The following SMOC1 variants were observed in gnomAD, a reference collection of about 807,000 sequenced individuals.
The protein encoded by SMOC1 is SPARC-related modular calcium-binding protein 1.
A neutral mutation model predicts 56.3 loss-of-function variants in SMOC1; 22 were observed. The observed-to-expected ratio is 0.39, with a 90% CI of 0.28 to 0.56. SMOC1 has a LOEUF of 0.56. Among genes scored for constraint, SMOC1 ranks in the 20% least tolerant of loss-of-function variants. The probability of loss-of-function intolerance (pLI) is 0.61; values close to 1 mark genes in which losing one functional copy is unlikely to be tolerated. For missense variants in SMOC1, 509 were observed against 565.4 expected, an observed-to-expected ratio of 0.90 and a Z score of 1.01; for synonymous variants, 193 against 215.0, an observed-to-expected ratio of 0.90 and a Z score of 0.89.
intron 5 of SMOC1, among the ~76,000 whole-genome samples, chr14:69,986,674 G>C (rs1202647138): frequency 5.3e-5 from 8 of 152,152 alleles, no homozygotes. Context: ...GCCCTGACCA[G>C]GCTCCTCTGC....
chr14:69,990,039 C>G (rs2139538472), intron 5 of SMOC1, among the ~76,000 whole-genome samples: 1 of 152,338 alleles, frequency 6.6e-6, no homozygotes, highest in South Asian at 2.1e-4. Context: ...GCAGCTGTAT[C>G]TCTTCACCCT....
intron 1 of SMOC1, among the ~76,000 whole-genome samples, chr14:69,925,554 T>G (rs1394716416): frequency 6.6e-6 from 1 of 152,154 alleles, no homozygotes; most frequent in Non-Finnish European, 1.5e-5. Context: ...TTTTATCCAT[T>G]TATGTGTGTG....
At position 69,997,905 on chromosome 14, in the gene SMOC1, G is replaced by A. The variant is rs561832342; in HGVS notation, c.664+3425G>A. ...CCATGGGACTCCGTGAAGCCCATCG[G>A]GGTGAGAGCTCTTCTTCTCAGCTGT... On this transcript the variant is annotated intron_variant, in intron 7 of 11. Coordinates refer to ENST00000361956, the MANE Select transcript of SMOC1 (RefSeq NM_001034852.3). 4.3e-4 allele frequency among the ~76,000 whole-genome samples: 65 copies of A among 152,162 alleles called. No homozygotes were observed. In the Middle Eastern group the frequency reaches 0.01, roughly 24 times the overall value.
intron 1 of SMOC1, among the ~76,000 whole-genome samples, chr14:69,917,732 T>C (rs1281901360): frequency 6.6e-6 from 1 of 152,260 alleles, no homozygotes; most frequent in Non-Finnish European, 1.5e-5. Context: ...AACATTGTTT[T>C]TCAGGTTTCT....
intron 1 of SMOC1, among the ~76,000 whole-genome samples, chr14:69,949,012 A>C (rs1044662317): frequency 6.6e-6 from 1 of 152,194 alleles, no homozygotes; most frequent in African/African-American, 2.4e-5. Context: ...GACTTCACAA[A>C]GTCAAAAACT....
At chr14:70,029,130 T>G (rs1336475944) in intron 11 of SMOC1, among the ~76,000 whole-genome samples, 1 of 151,952 alleles carries the variant, frequency 6.6e-6, no homozygotes, top group East Asian at 1.9e-4. Context: ...CATCTCGGAG[T>G]GGTGGCGGGG....
intron 3 of SMOC1, among the ~76,000 whole-genome samples, chr14:69,970,686 G>A (rs1293819410): frequency 6.6e-6 from 1 of 152,096 alleles, no homozygotes; most frequent in East Asian, 1.9e-4. Context: ...TCATCTGTCG[G>A]CCCCATTTCT....
At chr14:69,934,383 C>T in intron 1 of SMOC1, among the ~76,000 whole-genome samples, 1 of 152,294 alleles carries the variant, frequency 6.6e-6, no homozygotes, top group East Asian at 1.9e-4. Flanking sequence ...CCCCTTCCCC[C>T]ACATCAGAAA....
intron 1 of SMOC1, among the ~76,000 whole-genome samples, chr14:69,943,504 C>G (rs892070761): frequency 6.6e-6 from 1 of 152,168 alleles, no homozygotes; most frequent in Non-Finnish European, 1.5e-5. Context: ...ACTCTCCATT[C>G]CCAAGGATGC....
intron 1 of SMOC1, among the ~76,000 whole-genome samples, chr14:69,927,620 G>A (rs532887956): frequency 6.6e-6 from 1 of 152,262 alleles, no homozygotes; most frequent in Non-Finnish European, 1.5e-5. Context: ...AGGTTGCAGT[G>A]AGCCAAGATT....
intron 1 of SMOC1, among the ~76,000 whole-genome samples, chr14:69,884,802 A>G (rs886464389): frequency 4.6e-5 from 7 of 152,032 alleles, no homozygotes; most frequent in Non-Finnish European, 8.8e-5. Flanking sequence ...GTCTGTTTTT[A>G]TGCCATTACC....
At chr14:69,903,351 C>A (rs538748685) in intron 1 of SMOC1, among the ~76,000 whole-genome samples, 1 of 152,060 alleles carries the variant, frequency 6.6e-6, no homozygotes, top group South Asian at 2.1e-4. Context: ...GCAGCCGCTC[C>A]GTCTGAGAAG....
intron 1 of SMOC1, among the ~76,000 whole-genome samples, chr14:69,949,379 A>G (rs1244300114): frequency 6.6e-6 from 1 of 152,164 alleles, no homozygotes; most frequent in Non-Finnish European, 1.5e-5. Context: ...CCTCCCACAC[A>G]TGACGGAGGG....
At chr14:69,937,824 A>C (rs1213624930) in intron 1 of SMOC1, among the ~76,000 whole-genome samples, 1 of 152,188 alleles carries the variant, frequency 6.6e-6, no homozygotes, top group Non-Finnish European at 1.5e-5. Context: ...GAAGCCAGGC[A>C]TCAATCAGTA....
Position 70,013,376 on chromosome 14 carries a change from T to G in SMOC1, c.941-10T>G. 3.1e-6 allele frequency: 5 copies of G among 1,612,202 alleles called. No individual in the cohort carries two copies. The highest frequency in any genetic ancestry group is 4.2e-6 in the Non-Finnish European group (5 of 1,178,208). On this transcript the variant is annotated splice_polypyrimidine_tract_variant and intron_variant, in intron 9 of 11. Coordinates refer to ENST00000361956, the MANE Select transcript of SMOC1 (RefSeq NM_001034852.3). ...TGGCATCTACCTTCAAATCTCATTT[T>G]ATCTTTTAGGCTGTCCAGAAGGGAA...
intron 3 of SMOC1, among the ~76,000 whole-genome samples, chr14:69,956,790 C>T (rs1393380164): frequency 6.6e-6 from 1 of 152,152 alleles, no homozygotes; most frequent in Non-Finnish European, 1.5e-5. Flanking sequence ...GTTCAGCTTT[C>T]TTCTACAGCA....
intron 1 of SMOC1, among the ~76,000 whole-genome samples, chr14:69,930,373 C>T (rs1885136184): frequency 6.6e-6 from 1 of 152,162 alleles, no homozygotes; most frequent in Non-Finnish European, 1.5e-5. Context: ...AAAAACATTG[C>T]TCAGGTTGGA....
intron 7 of SMOC1, among the ~76,000 whole-genome samples, chr14:70,002,337 G>C (rs1658044116): frequency 6.6e-6 from 1 of 152,172 alleles, no homozygotes; most frequent in Non-Finnish European, 1.5e-5. Flanking sequence ...TTTAATTCGT[G>C]CAAATTCTGT....
At chr14:70,024,519 G>T (rs1277210714) in intron 11 of SMOC1, among the ~76,000 whole-genome samples, 1 of 152,158 alleles carries the variant, frequency 6.6e-6, no homozygotes, top group Non-Finnish European at 1.5e-5. Context: ...GTCTCTTGCA[G>T]ATAAATTTGC....
Sources: allele counts gnomAD v4.1 joint callset (sites outside exome capture counted in the v4.1 genomes callset), GRCh38; gene constraint gnomAD v4.1.1; transcripts MANE v1.5; gene names NCBI Gene and HGNC (gene_info 2026-07-23, HGNC 2026-07-21).